The following GALNT7 variants were observed in gnomAD, a reference collection of about 807,000 sequenced individuals.
GALNT7 encodes polypeptide N-acetylgalactosaminyltransferase 7.
GALNT7 carries 60 observed loss-of-function variants against 82.1 expected under a neutral mutation model. That is an observed-to-expected ratio of 0.73 (90% confidence interval 0.59 to 0.91). GALNT7 has a LOEUF of 0.91. Among genes scored for constraint, GALNT7 ranks in the 40% least tolerant of loss-of-function variants. The probability of loss-of-function intolerance (pLI) is 0.00; values close to 1 mark genes in which losing one functional copy is unlikely to be tolerated. For synonymous variants in GALNT7, 243 were observed against 275.1 expected (o/e 0.88, Z 1.15); for missense variants, 660 against 804.2 (o/e 0.82, Z 2.17).
chr4:173,169,017 G>C, intron 1 of GALNT7, 56 bp downstream of exon 1: 2 of 1,587,804 alleles, frequency 1.3e-6, no homozygotes, highest in Non-Finnish European at 1.7e-6. Flanking sequence ...TGTTTTGTTT[G>C]CCCGCGTGTG....
intron 1 of GALNT7, among the ~76,000 whole-genome samples, chr4:173,198,321 G>A (rs1361486137): frequency 1.3e-5 from 2 of 151,430 alleles, no homozygotes; most frequent in Non-Finnish European, 2.9e-5. Context: ...GCCTGCCTCG[G>A]TCTCCCAAGG....
intron 2 of GALNT7, among the ~76,000 whole-genome samples, chr4:173,291,452 C>T (rs1409131695): frequency 6.6e-6 from 1 of 152,164 alleles, no homozygotes; most frequent in Admixed American, 6.5e-5. Context: ...GAGTCTTTAC[C>T]AGTCCCTGTT....
chr4:173,188,064 G>A (rs1251458288), intron 1 of GALNT7, among the ~76,000 whole-genome samples: 1 of 152,088 alleles, frequency 6.6e-6, no homozygotes, highest in Admixed American at 6.6e-5. Flanking sequence ...AATACAACAG[G>A]TCAGCACAGT....
At position 173,313,016 on chromosome 4, in the gene GALNT7, G is replaced by A. The variant is rs572443223; in HGVS notation, c.1390-942G>A. ...AGAGGTTGCAGTGAGCCGAGATTGC[G>A]TCACTGCACTCCATCCTTGGTGACA... is the stretch of plus-strand genomic sequence containing the variant. On this transcript the variant is annotated intron_variant, in intron 8 of 11. Transcript: ENST00000265000. Among the ~76,000 whole-genome samples the A allele has an allele frequency of 3.9e-5, 6 of 151,938 alleles. No homozygotes were observed. In the South Asian group the frequency reaches 6.2e-4, roughly 16 times the overall value.
chr4:173,310,149 C>T lies in GALNT7; in HGVS notation c.1390-3809C>T, dbSNP rs906371957. Among the ~76,000 whole-genome samples the T allele has an allele frequency of 5.9e-5, 9 of 152,336 alleles. No homozygotes were observed. The East Asian group carries it at 1.5e-3, about 26-fold the overall frequency. ...AGGTCTGTTTCTCCAGCTCATTTGT[C>T]TCCTCTGAGCCTCAAACCTTCTAGA... On this transcript the variant is annotated intron_variant, in intron 8 of 11. Transcript: ENST00000265000.
In GALNT7 at chr4:173,168,988, G is replaced by C. The variant is rs751995461; in HGVS notation, c.126+27G>C. 1.7e-5 allele frequency: 27 copies of C among 1,607,432 alleles called. No individual in the cohort carries two copies. The Admixed American group carries it at 4.5e-4, about 27-fold the overall frequency. ...TGAGTGACCCGCCCGGCCCCCTCCG[G>C]CGGCAGCGACCGGCAACTTGTTTTG... On this transcript the variant is annotated intron_variant, in intron 1 of 11. Transcript: ENST00000265000.
chr4:173,309,938 GA>G (rs1737316915), intron 8 of GALNT7, among the ~76,000 whole-genome samples: 1 of 152,282 alleles, frequency 6.6e-6, no homozygotes, highest in South Asian at 2.1e-4. Context: ...AGTCTATTCT[GA>G]AAGAAAAACT....
intron 1 of GALNT7, among the ~76,000 whole-genome samples, chr4:173,183,109 C>T (rs2126630906): frequency 6.7e-6 from 1 of 148,466 alleles, no homozygotes; most frequent in Non-Finnish European, 1.5e-5. Flanking sequence ...TCTCTGTGTA[C>T]CTGATACTTT....
chr4:173,182,937 C>A (rs1173334921), intron 1 of GALNT7, among the ~76,000 whole-genome samples: 1 of 149,930 alleles, frequency 6.7e-6, no homozygotes. Flanking sequence ...CACACACACA[C>A]ACACACACAC....
chr4:173,192,904 G>A (rs1206092373), intron 1 of GALNT7, among the ~76,000 whole-genome samples: 2 of 152,196 alleles, frequency 1.3e-5, no homozygotes, highest in Non-Finnish European at 2.9e-5. Context: ...TCTCTCCTGG[G>A]ATTTTTGAAT....
intron 2 of GALNT7, among the ~76,000 whole-genome samples, chr4:173,251,200 G>T (rs1317515757): frequency 5.3e-5 from 8 of 152,144 alleles, no homozygotes; most frequent in African/African-American, 7.2e-5. Flanking sequence ...ATCAGCCAGG[G>T]TTCAAACCTT....
At chr4:173,234,649 C>A (rs779168836) in intron 1 of GALNT7, among the ~76,000 whole-genome samples, 1 of 152,144 alleles carries the variant, frequency 6.6e-6, no homozygotes, top group African/African-American at 2.4e-5. Flanking sequence ...CCCCTCAAAC[C>A]TCATGTTGTA....
At chr4:173,184,582 A>T (rs1324273828) in intron 1 of GALNT7, among the ~76,000 whole-genome samples, 1 of 138,068 alleles carries the variant, frequency 7.2e-6, no homozygotes, top group Non-Finnish European at 1.5e-5. Context: ...TCAGAGGGAG[A>T]CCAGGGAGAG....
chr4:173,263,397 CACTT>C (rs1373911558), intron 2 of GALNT7, among the ~76,000 whole-genome samples: 8 of 152,246 alleles, frequency 5.3e-5, no homozygotes, highest in Admixed American at 1.3e-4. Context: ...TTAAGATGCT[CACTT>C]ACTCAAAATT....
chr4:173,201,654 A>AGAT (rs1561151913), intron 1 of GALNT7, among the ~76,000 whole-genome samples: 1 of 152,228 alleles, frequency 6.6e-6, no homozygotes, highest in African/African-American at 2.4e-5. Flanking sequence ...CATTCAGAGC[A>AGAT]GATGAGCAAC....
intron 1 of GALNT7, among the ~76,000 whole-genome samples, chr4:173,244,917 C>T (rs1734567916): frequency 6.6e-6 from 1 of 152,094 alleles, no homozygotes; most frequent in Non-Finnish European, 1.5e-5. Context: ...AGTAAGGAGA[C>T]AGTCAGTGAA....
intron 2 of GALNT7, among the ~76,000 whole-genome samples, chr4:173,288,342 C>T (rs1348661080): frequency 1.4e-5 from 2 of 147,548 alleles, no homozygotes; most frequent in African/African-American, 5.1e-5. Flanking sequence ...GTCCTCTTGA[C>T]TGTTAAAGAT....
intron 1 of GALNT7, 150 bp from the exon 2 acceptor site, chr4:173,247,828 CTA>C: frequency 1.7e-6 from 1 of 580,520 alleles, no homozygotes; most frequent in Non-Finnish European, 3.1e-6. Flanking sequence ...AAGATATCTC[CTA>C]ATGGGAAGTC....
At chr4:173,218,460 C>G (rs1358555154) in intron 1 of GALNT7, among the ~76,000 whole-genome samples, 1 of 81,376 alleles carries the variant, frequency 1.2e-5, no homozygotes, top group African/African-American at 2.9e-5. Flanking sequence ...AATTCTCCCT[C>G]AATATTTTGT....
Sources: gnomAD v4.1 joint callset for allele counts (sites outside exome capture counted in the v4.1 genomes callset) on GRCh38, gnomAD v4.1.1 for gene constraint, MANE v1.5 for transcripts, NCBI Gene and HGNC (gene_info 2026-07-23, HGNC 2026-07-21) for gene names.